PGM1: variants seen among roughly 807,000 people sequenced by gnomAD.
PGM1 encodes phosphoglucomutase 1.
Under a neutral mutation model 55.6 loss-of-function variants are expected in PGM1, and 52 were observed. The observed-to-expected ratio is 0.94, with a 90% CI of 0.75 to 1.18. The LOEUF (loss-of-function observed/expected upper bound fraction) is 1.18. PGM1 is among the 50% of genes most tolerant of loss of function. PGM1 has a pLI of 0.00. For synonymous variants in PGM1, 287 were observed against 271.7 expected, an observed-to-expected ratio of 1.06 and a Z score of -0.55; for missense variants, 724 against 729.3, an observed-to-expected ratio of 0.99 and a Z score of 0.08.
intron 1 of PGM1, among the ~76,000 whole-genome samples, chr1:63,619,521 G>C (rs766480767): frequency 3.4e-4 from 52 of 152,282 alleles, no homozygotes; most frequent in Non-Finnish European, 6.8e-4. Context: ...TGCAAGCCTT[G>C]GTTAATCTTT....
intron 5 of PGM1, 37 bp downstream of exon 5, chr1:63,635,056 G>A: frequency 6.4e-7 from 1 of 1,571,716 alleles, no homozygotes; most frequent in Non-Finnish European, 8.8e-7. Context: ...TCTGGTGCAG[G>A]CCAGGCCTGA....
At chr1:63,641,502 G>A (rs538762086) in intron 7 of PGM1, among the ~76,000 whole-genome samples, 157 of 152,238 alleles carry the variant, frequency 1.0e-3, no homozygotes, top group African/African-American at 3.8e-3. Flanking sequence ...GAGTTTCTCA[G>A]GGTAGACATT....
chr1:63,600,585 T>C (rs945961116), intron 1 of PGM1, among the ~76,000 whole-genome samples: 1 of 152,056 alleles, frequency 6.6e-6, no homozygotes, highest in East Asian at 1.9e-4. Flanking sequence ...TGAAGAAAAA[T>C]AAAACCCAGT....
chr1:63,607,035 C>A (rs1648441297), intron 1 of PGM1, among the ~76,000 whole-genome samples: 2 of 152,204 alleles, frequency 1.3e-5, no homozygotes, highest in Non-Finnish European at 2.9e-5. Flanking sequence ...TTAGTCTATT[C>A]ACAGAACTGT....
At chr1:63,603,289 T>TGG (rs1476028747) in intron 1 of PGM1, among the ~76,000 whole-genome samples, 2 of 152,208 alleles carry the variant, frequency 1.3e-5, no homozygotes, top group Non-Finnish European at 2.9e-5. Flanking sequence ...TAAGGGGTGT[T>TGG]GGGCCATGTT....
Position 63,638,832 on chromosome 1 carries a change from C to T in PGM1, c.1144+32C>T, listed in dbSNP as rs368883364. On this transcript the variant is annotated intron_variant, in intron 7 of 10. Coordinates refer to ENST00000371084, the MANE Select transcript of PGM1 (RefSeq NM_002633.3). ...CACACTCCTGTGCTAGCATTTTCCT[C>T]CCTGTAACCACTATTTCCAGTAAAA... 14 of 1,415,390 alleles carry T rather than the reference C, an allele frequency of 9.9e-6. No individual in the cohort carries two copies. The African/African-American group carries it at 1.5e-4, about 16-fold the overall frequency. 87.7% of individuals were successfully genotyped at this position (1,415,390 alleles called of 1,614,324 possible).
chr1:63,636,706 T>C (rs1649373006), intron 6 of PGM1, among the ~76,000 whole-genome samples: 1 of 152,222 alleles, frequency 6.6e-6, no homozygotes, highest in African/African-American at 2.4e-5. Context: ...ATCTGGACTC[T>C]GCCTGACCAT....
At chr1:63,612,952 C>T (rs757007845) in intron 1 of PGM1, among the ~76,000 whole-genome samples, 6 of 152,146 alleles carry the variant, frequency 3.9e-5, no homozygotes, top group Non-Finnish European at 7.3e-5. Context: ...TTACAGGGGT[C>T]GTTTGATGCT....
At chr1:63,598,612 A>G (rs1034961301) in intron 1 of PGM1, among the ~76,000 whole-genome samples, 2 of 152,238 alleles carry the variant, frequency 1.3e-5, no homozygotes, top group Admixed American at 1.3e-4. Context: ...TGCTTCCTAC[A>G]TTTATAATAA....
chr1:63,641,286 TC>T (rs1295940744), intron 7 of PGM1, among the ~76,000 whole-genome samples: 3 of 152,198 alleles, frequency 2.0e-5, no homozygotes, highest in African/African-American at 7.2e-5. Context: ...GCTCTTTCTC[TC>T]TCTCTCTCTT....
rs116557438 is a variant in PGM1, at chr1:63,617,128, G to C, written c.247-12297G>C. On this transcript the variant is annotated intron_variant, in intron 1 of 10. Coordinates refer to ENST00000371084, the MANE Select transcript of PGM1 (RefSeq NM_002633.3). The stretch of plus-strand genomic sequence containing the variant: ...CAAAGAGCCTACATCCCTTGCCCAC[G>C]GTCCCCTAGTCAGAAAATGGTACTC... Among the ~76,000 whole-genome samples, 9 of 152,116 alleles carry C rather than the reference G, an allele frequency of 5.9e-5. No homozygotes were observed. The East Asian group carries it at 9.6e-4, about 16-fold the overall frequency.
At chr1:63,594,975 AG>A (rs1238428112) in intron 1 of PGM1, among the ~76,000 whole-genome samples, 2 of 150,312 alleles carry the variant, frequency 1.3e-5, no homozygotes, top group African/African-American at 4.9e-5. Context: ...AAAAAAAAAA[AG>A]AAAAAAAAAG....
At chr1:63,631,931 C>G in intron 4 of PGM1, 149 bp downstream of exon 4, 1 of 800,174 alleles carries the variant, frequency 1.2e-6, no homozygotes, top group Non-Finnish European at 2.1e-6. Flanking sequence ...AATATTCACA[C>G]AGATAAAAAT....
chr1:63,622,738 TAAATCTTTGGTGGCCAATGAATAAATC>T (rs1648915351), intron 1 of PGM1, among the ~76,000 whole-genome samples: 1 of 152,246 alleles, frequency 6.6e-6, no homozygotes, highest in African/African-American at 2.4e-5. Context: ...ACTGTTTTCT[TAAATCTTTGGTGGCCAATGAATAAATC>T]TGTTAGATAA....
intron 1 of PGM1, among the ~76,000 whole-genome samples, chr1:63,601,821 A>G (rs1176404137): frequency 6.6e-6 from 1 of 152,228 alleles, no homozygotes; most frequent in East Asian, 1.9e-4. Context: ...CCTCCTTCCC[A>G]TAGCTTCTCC....
chr1:63,593,917 G>C (rs1206645252), intron 1 of PGM1, 183 bp downstream of exon 1: 1 of 1,242,334 alleles, frequency 8.0e-7, no homozygotes, highest in Non-Finnish European at 1.0e-6. Flanking sequence ...AGGTCGCCGG[G>C]CTGGGGAAAG....
At chr1:63,657,017 GATA>G (rs1444929276) in intron 10 of PGM1, among the ~76,000 whole-genome samples, 1 of 152,136 alleles carries the variant, frequency 6.6e-6, no homozygotes. Flanking sequence ...TGACAAGATT[GATA>G]ATGTTAGTTG....
intron 1 of PGM1, among the ~76,000 whole-genome samples, chr1:63,615,631 C>T (rs185655078): frequency 1.9e-4 from 25 of 132,594 alleles, no homozygotes; most frequent in Non-Finnish European, 2.9e-4. Context: ...GGCGCGATCT[C>T]GACTCACTGC....
At chr1:63,652,817 CT>C (rs1490476060) in intron 9 of PGM1, among the ~76,000 whole-genome samples, 1 of 152,200 alleles carries the variant, frequency 6.6e-6, no homozygotes, top group Non-Finnish European at 1.5e-5. Context: ...GGAGTCTCCC[CT>C]CCTCAACTTC....
Sources: allele counts gnomAD v4.1 joint callset (sites outside exome capture counted in the v4.1 genomes callset), GRCh38; gene constraint gnomAD v4.1.1; transcripts MANE v1.5; gene names NCBI Gene and HGNC (gene_info 2026-07-23, HGNC 2026-07-21).